The following PSEN1 variants were observed in gnomAD, a reference collection of about 807,000 sequenced individuals.
PSEN1 encodes the protein presenilin-1.
In PSEN1, 15 loss-of-function variants were observed where a neutral mutation model predicts 53.5. That is an observed-to-expected ratio of 0.28 (90% CI 0.19 to 0.43). The LOEUF (loss-of-function observed/expected upper bound fraction) is 0.43, where lower values mean the gene tolerates loss of function less well. PSEN1 is among the 20% of genes least tolerant of loss of function. The probability of loss-of-function intolerance (pLI) is 1.00; values close to 1 mark genes in which losing one functional copy is unlikely to be tolerated. For synonymous variants in PSEN1, 208 were observed against 209.8 expected (o/e 0.99, Z 0.08); for missense variants, 387 against 571.2 (o/e 0.68, Z 3.29).
intron 6 of PSEN1, among the ~76,000 whole-genome samples, chr14:73,189,528 C>T (rs1369895224): frequency 1.3e-5 from 2 of 152,060 alleles, no homozygotes; most frequent in Non-Finnish European, 2.9e-5. Context: ...AGGAGAGTGG[C>T]GTGAACCTGG....
At chr14:73,188,860 C>G in intron 6 of PSEN1, among the ~76,000 whole-genome samples, 1 of 150,984 alleles carries the variant, frequency 6.6e-6, no homozygotes, top group Non-Finnish European at 1.5e-5. Context: ...GTGATCTCGG[C>G]TCACAGGAAC....
intron 6 of PSEN1, among the ~76,000 whole-genome samples, chr14:73,191,365 TA>T (rs942196630): frequency 6.6e-5 from 10 of 152,116 alleles, no homozygotes; most frequent in African/African-American, 2.4e-4. Flanking sequence ...ATGTGTGTAT[TA>T]AAAAATGTAT....
At chr14:73,202,418 CTATATATA>C (rs1248311168) in intron 8 of PSEN1, among the ~76,000 whole-genome samples, 323 of 27,152 alleles carry the variant, frequency 0.012, 12 homozygotes, top group African/African-American at 0.04. Flanking sequence ...CTATCACATA[CTATATATA>C]TATATATATA....
intron 1 of PSEN1, chr14:73,139,161 T>A (rs1475747803): frequency 6.6e-6 from 1 of 150,598 alleles, no homozygotes; most frequent in Non-Finnish European, 1.5e-5. Context: ...CAGGCACTTG[T>A]AGTCCCAGCT....
At chr14:73,199,637 G>A (rs1899098502) in intron 8 of PSEN1, among the ~76,000 whole-genome samples, 1 of 152,164 alleles carries the variant, frequency 6.6e-6, no homozygotes, top group African/African-American at 2.4e-5. Context: ...TAAGTCAAAG[G>A]ATGTATTTAA....
chr14:73,142,609 C>T (rs1423702337), intron 1 of PSEN1, among the ~76,000 whole-genome samples: 1 of 152,180 alleles, frequency 6.6e-6, no homozygotes, highest in Non-Finnish European at 1.5e-5. Context: ...TAATTCTTTT[C>T]TGTTGGTACT....
chr14:73,150,895 G>A (rs911041589), intron 3 of PSEN1, among the ~76,000 whole-genome samples: 5 of 151,690 alleles, frequency 3.3e-5, no homozygotes, highest in South Asian at 2.1e-4. Context: ...GTGAAACCCC[G>A]TCTCTACTAA....
intron 3 of PSEN1, among the ~76,000 whole-genome samples, chr14:73,161,798 C>T (rs61986884): frequency 0.056 from 8,533 of 152,104 alleles, 325 homozygotes; most frequent in Non-Finnish European, 0.089. Context: ...AGGCCCTCAC[C>T]GTAGATCACA....
In PSEN1 at chr14:73,222,808, C is replaced by T. The variant is rs1481570683; in HGVS notation, c.*3519C>T. ...TATAAAAGTGACTTGATTCAGAAATCAATCCATTCAGTAAAGTACTCCTTC... is the reference window on the plus strand; with the variant it reads ...TATAAAAGTGACTTGATTCAGAAATTAATCCATTCAGTAAAGTACTCCTTC... On this transcript the variant is annotated 3_prime_UTR_variant, in exon 12 of 12. Transcript: ENST00000324501. 6.6e-6 allele frequency: 1 copy of T among 152,192 alleles called. No individual in the cohort carries two copies. The highest frequency in any genetic ancestry group is 2.4e-5 in the African/African-American group (1 of 41,446). The allele number at this position is 152,192 out of a possible 1,614,324, so 9.4% of individuals were successfully genotyped here.
chr14:73,148,758 C>A (rs1184949375), intron 3 of PSEN1, among the ~76,000 whole-genome samples: 3 of 152,022 alleles, frequency 2.0e-5, no homozygotes, highest in Non-Finnish European at 4.4e-5. Context: ...CATGGAGAAA[C>A]CCCATCTCTA....
intron 3 of PSEN1, among the ~76,000 whole-genome samples, chr14:73,150,224 C>A (rs1897178603): frequency 6.6e-6 from 1 of 151,838 alleles, no homozygotes; most frequent in Non-Finnish European, 1.5e-5. Context: ...GCTTATTGAT[C>A]CTACACTAAA....
rs1448271590 is a variant in PSEN1, at chr14:73,222,086, T to A, written c.*2797T>A. On this transcript the variant is annotated 3_prime_UTR_variant, in exon 12 of 12. Coordinates refer to ENST00000324501, the MANE Select transcript of PSEN1 (RefSeq NM_000021.4). ...ATATTTGGAAGATTTGCAGATTTTT[T>A]TTCAGAGAGGAAAGACTCACCTTCC... The A allele has an allele frequency of 6.6e-6, 1 of 152,218 alleles. No homozygotes were observed. The highest frequency in any genetic ancestry group is 1.5e-5 in the Non-Finnish European group (1 of 68,038). 9.4% of individuals were successfully genotyped at this position (152,218 alleles called of 1,614,324 possible). A position where few individuals can be genotyped will look rare whatever the true frequency, so the allele number is the denominator to read the frequency against.
chr14:73,138,923 C>T (rs1393499899), intron 1 of PSEN1, among the ~76,000 whole-genome samples: 1 of 148,196 alleles, frequency 6.7e-6, no homozygotes, highest in Non-Finnish European at 1.5e-5. Context: ...GCGGAGATCG[C>T]GCCACTGCAC....
intron 3 of PSEN1, among the ~76,000 whole-genome samples, chr14:73,162,429 T>C (rs768080539): frequency 6.7e-6 from 1 of 148,404 alleles, no homozygotes; most frequent in Non-Finnish European, 1.5e-5. Flanking sequence ...TCTCGTTCTC[T>C]CTCTCGCTCG....
rs143121060 is a variant in PSEN1 at position 73,142,861 on chromosome 14, G to C, written c.-135-4934G>C. ...TTTTGTCTGATTGAGCAAGTGTCTT[G>C]AGATTAAGAAAATGGATGTCAGTGA... is the stretch of plus-strand genomic sequence containing the variant. On this transcript the variant is annotated intron_variant, in intron 1 of 11. Transcript: ENST00000324501. 3.9e-4 allele frequency among the ~76,000 whole-genome samples: 59 copies of C among 152,284 alleles called. No individual in the cohort carries two copies. In the East Asian group the frequency reaches 0.011, roughly 28 times the overall value.
Position 73,219,297 on chromosome 14 carries a change from G to T in PSEN1, c.*8G>T. ...CATCAATTTTATATCTAGCATATTT[G>T]CGGTTAGAATCCCATGGATGTTTCT... On this transcript the variant is annotated 3_prime_UTR_variant, in exon 12 of 12. Transcript: ENST00000324501. The T allele has an allele frequency of 6.2e-7, 1 of 1,610,844 alleles. No individual in the cohort carries two copies.
intron 9 of PSEN1, 70 bp from the exon 10 acceptor site, chr14:73,211,699 C>A: frequency 6.5e-7 from 1 of 1,535,182 alleles, no homozygotes; most frequent in Non-Finnish European, 9.0e-7. Flanking sequence ...GTTACTGTTT[C>A]CATGTAATTT....
In PSEN1 at chr14:73,219,605, G is replaced by T. The variant is rs989606257; in HGVS notation, c.*316G>T. 1 of 385,770 alleles carries T rather than the reference G, an allele frequency of 2.6e-6. No individual in the cohort carries two copies. 23.9% of individuals were successfully genotyped at this position (385,770 alleles called of 1,614,324 possible). A position where few individuals can be genotyped will look rare whatever the true frequency, so the allele number is the denominator to read the frequency against. On this transcript the variant is annotated 3_prime_UTR_variant, in exon 12 of 12. Coordinates refer to ENST00000324501, the MANE Select transcript of PSEN1 (RefSeq NM_000021.4). ...CTGTGCCCCATCAGCAGCTTGACGC[G>T]TGGTCACAGGACGATTTCACTGACA...
chr14:73,140,202 CTTTTTTTTTTTTTT>C (rs35223948), intron 1 of PSEN1, among the ~76,000 whole-genome samples: 6 of 73,040 alleles, frequency 8.2e-5, no homozygotes, highest in Admixed American at 1.9e-4. Flanking sequence ...TTTTGCTATT[CTTTTTTTTTTTTTT>C]TTTTTTTTTT....
Sources: allele counts gnomAD v4.1 joint callset (sites outside exome capture counted in the v4.1 genomes callset), GRCh38; gene constraint gnomAD v4.1.1; transcripts MANE v1.5; gene names NCBI Gene and HGNC (gene_info 2026-07-23, HGNC 2026-07-21).